ZNF518B: variants seen among roughly 807,000 people sequenced by gnomAD.
The protein encoded by ZNF518B is zinc finger protein 518B.
ZNF518B carries 23 observed loss-of-function variants against 56.3 expected under a neutral mutation model. The observed-to-expected ratio is 0.41, with a 90% CI of 0.29 to 0.58. The LOEUF is 0.58. Ranked by LOEUF, ZNF518B falls within the 20% of genes least tolerant of loss-of-function variation. The pLI is 0.32. For missense variants in ZNF518B, 1,460 were observed against 1,272.1 expected (o/e 1.15, Z -2.25); for synonymous variants, 529 against 465.9 (o/e 1.14, Z -1.74).
At chr4:10,458,943 C>G (rs1715656493), upstream of ZNF518B, among the ~76,000 whole-genome samples, 1 of 152,200 alleles carries the variant, frequency 6.6e-6, no homozygotes, top group East Asian at 1.9e-4. Flanking sequence ...CTTATAACTT[C>G]TACTCATGCA....
upstream of ZNF518B, among the ~76,000 whole-genome samples, chr4:10,457,595 C>T (rs1715606981): frequency 6.6e-6 from 1 of 152,268 alleles, no homozygotes; most frequent in South Asian, 2.1e-4. Flanking sequence ...TGACCCAACA[C>T]GTTCGCACCG....
chr4:10,443,050 A>T lies in ZNF518B; in HGVS notation c.*54T>A. The T allele has an allele frequency of 6.8e-7, 1 of 1,466,110 alleles. No homozygotes were observed. The highest frequency in any genetic ancestry group is 9.2e-7 in the Non-Finnish European group (1 of 1,084,094). The allele number at this position is 1,466,110 out of a possible 1,614,324, so 90.8% of individuals were successfully genotyped here. ...TCTTCTACTGAATCTTGGTGGAGGG[A>T]CTCCAAACCAGAATAAACTAAAAGA... On this transcript the variant is annotated 3_prime_UTR_variant, in exon 3 of 3. Coordinates refer to ENST00000326756, the MANE Select transcript of ZNF518B (RefSeq NM_053042.3).
chr4:10,444,599 G>C lies in ZNF518B; in HGVS notation c.1730C>G (p.Thr577Arg), dbSNP rs1714883644. Residue 577 changes from threonine (T) to arginine (R), a missense_variant, in exon 3 of 3, where the codon ACA becomes AGA. Physicochemically the swap from Thr to Arg is moderately conservative, Grantham distance 71. Transcript: ENST00000326756. The stretch of plus-strand genomic sequence containing the variant: ...AGTTGAAACTGCCTTGTGTTCCTCT[G>C]TCTGGTTATCTTCCTGCTTCCTATT... The part of the protein sequence containing the change: ...SSNRKQEDNQ[T>R]EEHKAVSTVG... 5 of 1,614,138 alleles carry C rather than the reference G, an allele frequency of 3.1e-6. No individual in the cohort carries two copies. In the East Asian group the frequency reaches 1.1e-4, roughly 36 times the overall value.
upstream of ZNF518B, among the ~76,000 whole-genome samples, chr4:10,460,484 T>A (rs1715712424): frequency 1.3e-5 from 2 of 151,832 alleles, no homozygotes; most frequent in African/African-American, 4.8e-5. Flanking sequence ...ACTTGGGAGA[T>A]GAGCTGTAAG....
chr4:10,443,761 G>A lies in ZNF518B; in HGVS notation c.2568C>T (p.Thr856=), dbSNP rs748612137. The change falls in exon 3 of 3, where the codon ACC becomes ACT. Residue 856 remains threonine (T), a synonymous_variant. Coordinates refer to ENST00000326756, the MANE Select transcript of ZNF518B (RefSeq NM_053042.3). ...KLRKESAVCS[T]IHRKTGLLYG... is the part of the protein sequence containing the mutation. ...ACAAGAGGCCAGTTTTTCTATGGATGGTGCTACAGACAGCACTCTCTTTTC... is the reference window on the plus strand; with the variant it reads ...ACAAGAGGCCAGTTTTTCTATGGATAGTGCTACAGACAGCACTCTCTTTTC... 6.2e-6 allele frequency: 10 copies of A among 1,614,040 alleles called. No homozygotes were observed. In the South Asian group the frequency reaches 1.1e-4, roughly 18 times the overall value.
chr4:10,460,122 T>A (rs1274249034), upstream of ZNF518B, among the ~76,000 whole-genome samples: 1 of 151,184 alleles, frequency 6.6e-6, no homozygotes, highest in African/African-American at 2.4e-5. Flanking sequence ...CTGGCCAACA[T>A]GGTGAAGCCC....
At chr4:10,456,650 G>A (rs1386867046) in intron 1 of ZNF518B, among the ~76,000 whole-genome samples, 2 of 152,208 alleles carry the variant, frequency 1.3e-5, no homozygotes, top group African/African-American at 2.4e-5. Flanking sequence ...GCGCGCCTGA[G>A]CCTGGGCGCT....
chr4:10,458,053 C>G (rs575782558), upstream of ZNF518B, among the ~76,000 whole-genome samples: 2 of 152,136 alleles, frequency 1.3e-5, no homozygotes, highest in Non-Finnish European at 2.9e-5. Context: ...AGGGTGTGAG[C>G]TCATTTAATG....
At chr4:10,453,788 G>C (rs1036034874) in intron 2 of ZNF518B, 7 of 152,196 alleles carry the variant, frequency 4.6e-5, no homozygotes, top group African/African-American at 1.7e-4. Flanking sequence ...TAATAAAACA[G>C]TATAATCAAG....
chr4:10,443,145 C>T lies in ZNF518B; in HGVS notation c.3184G>A (p.Ala1062Thr). Residue 1062 changes from alanine (A) to threonine (T), a missense_variant, in exon 3 of 3, where the codon GCA becomes ACA. Physicochemically the swap from Ala to Thr is moderately conservative, Grantham distance 58. Transcript: ENST00000326756. ...MSHGQRHLIEATRDWDVLSSK... is the reference protein window; with the variant it reads ...MSHGQRHLIETTRDWDVLSSK... ...GAAAGAACATCCCAATCTCTAGTTG[C>T]TTCTATCAAATGCCGTTGGCCATGA... The T allele has an allele frequency of 1.2e-6, 2 of 1,614,090 alleles. No individual in the cohort carries two copies.
chr4:10,446,098 A>T lies in ZNF518B; in HGVS notation c.231T>A (p.Gly77=). Residue 77 remains glycine, a synonymous_variant, in exon 3 of 3, where the codon GGT becomes GGA. Coordinates refer to ENST00000326756, the MANE Select transcript of ZNF518B (RefSeq NM_053042.3). ...HKISLQDLQK[G]TGKDGMYVCF... is the part of the protein sequence containing the mutation. Reference sequence around the variant, plus strand: ...AGACATACATACCGTCCTTCCCTGTACCCTTCTGCAAATCTTGAAGAGAGA... The same window carrying T: ...AGACATACATACCGTCCTTCCCTGTTCCCTTCTGCAAATCTTGAAGAGAGA... The T allele has an allele frequency of 1.9e-6, 3 of 1,614,186 alleles. No individual in the cohort carries two copies. Among genetic ancestry groups the T allele is most frequent in the East Asian group, 2.2e-5 (1 of 44,886 alleles).
At chr4:10,457,153 C>G (rs1252857746) in intron 1 of ZNF518B, 164 bp downstream of exon 1, 3 of 148,832 alleles carry the variant, frequency 2.0e-5, no homozygotes, top group Non-Finnish European at 4.5e-5. Flanking sequence ...CTTGCCACGA[C>G]GCCAGCCCTC....
At chr4:10,457,510 C>T (rs944547836), upstream of ZNF518B, 4 of 152,272 alleles carry the variant, frequency 2.6e-5, no homozygotes, top group Non-Finnish European at 5.9e-5. Context: ...GCTGCGCCCG[C>T]CCCCGCCGGG....
chr4:10,446,425 A>G lies in ZNF518B; in HGVS notation c.-97T>C. 8.5e-6 allele frequency: 10 copies of G among 1,178,830 alleles called. No homozygotes were observed. The highest frequency in any genetic ancestry group is 1.2e-5 in the Non-Finnish European group (10 of 824,032). 73.0% of individuals were successfully genotyped at this position (1,178,830 alleles called of 1,614,324 possible). A position where few individuals can be genotyped will look rare whatever the true frequency, so the allele number is the denominator to read the frequency against. ...TCCTTCTATACAGTTTGTGATGGGT[A>G]GGGGCGCAGCTACTTCTTGGGTGCA... On this transcript the variant is annotated 5_prime_UTR_variant, in exon 3 of 3. Coordinates refer to ENST00000326756, the MANE Select transcript of ZNF518B (RefSeq NM_053042.3).
At chr4:10,455,068 A>T (rs1459489242) in intron 1 of ZNF518B, 80 bp from the exon 2 acceptor site, 1 of 152,226 alleles carries the variant, frequency 6.6e-6, no homozygotes, top group African/African-American at 2.4e-5. Flanking sequence ...AGATAAGGGG[A>T]ATGAGCCCCA....
At chr4:10,455,104 T>C (rs548496666) in intron 1 of ZNF518B, 116 bp from the exon 2 acceptor site, 1 of 152,360 alleles carries the variant, frequency 6.6e-6, no homozygotes, top group South Asian at 2.1e-4. Context: ...CAGGGGTGTA[T>C]GGCAAAGTCA....
upstream of ZNF518B, among the ~76,000 whole-genome samples, chr4:10,460,346 T>C (rs1715710052): frequency 8.9e-6 from 1 of 112,680 alleles, no homozygotes; most frequent in African/African-American, 3.1e-5. Flanking sequence ...AAACCGACCA[T>C]GTATGAATGC....
chr4:10,460,304 C>CAAAAAAAAAAAAAA (rs1210892613), upstream of ZNF518B, among the ~76,000 whole-genome samples: 3 of 8,792 alleles, frequency 3.4e-4, no homozygotes, highest in Non-Finnish European at 4.8e-4. Flanking sequence ...GACTCTGTCT[C>CAAAAAAAAAAAAAA]AAAAAAAAAA....
rs184827198 is a variant in ZNF518B, at chr4:10,445,690, A to G, written c.639T>C (p.His213=). The change falls in exon 3 of 3, where the codon CAT becomes CAC. Residue 213 remains histidine, a synonymous_variant. Coordinates refer to ENST00000326756, the MANE Select transcript of ZNF518B (RefSeq NM_053042.3). ...CTGGCCGTTTCGCACCTGCCCTTTC[A>G]TGTACTCTCTTCGTGTGTTTGACAA... ...DYIVKHTKRV[H]ERAGAKRPVK... 6.8e-6 allele frequency: 11 copies of G among 1,614,134 alleles called. No individual in the cohort carries two copies. In the African/African-American group the frequency reaches 1.2e-4, roughly 18 times the overall value.
Sources: allele counts gnomAD v4.1 joint callset (sites outside exome capture counted in the v4.1 genomes callset), GRCh38; gene constraint gnomAD v4.1.1; transcripts MANE v1.5; gene names NCBI Gene and HGNC (gene_info 2026-07-23, HGNC 2026-07-21).